The following MAJIN variants were observed in gnomAD, a reference collection of about 807,000 sequenced individuals.
The protein encoded by MAJIN is membrane anchored junction protein, also known as membrane-anchored junction protein.
In MAJIN, 27 loss-of-function variants were observed where a neutral mutation model predicts 30.2. That is an observed-to-expected ratio of 0.89 (90% CI 0.66 to 1.23). MAJIN has a LOEUF of 1.23. Among genes scored for constraint, MAJIN ranks in the 50% most tolerant of loss-of-function variants. The pLI, the probability that MAJIN is intolerant of heterozygous loss-of-function variation, is 0.00. For synonymous variants in MAJIN, 78 were observed against 91.6 expected (o/e 0.85, Z 0.85); for missense variants, 253 against 260.3 (o/e 0.97, Z 0.19).
intron 1 of MAJIN, among the ~76,000 whole-genome samples, chr11:64,964,285 G>T (rs1565145375): frequency 6.6e-6 from 1 of 152,130 alleles, no homozygotes; most frequent in Non-Finnish European, 1.5e-5. Context: ...TCAGAGGTCT[G>T]TCCACCTTTG....
intron 8 of MAJIN, chr11:64,946,149 T>G: frequency 6.5e-7 from 1 of 1,535,344 alleles, no homozygotes; most frequent in Non-Finnish European, 8.7e-7. Context: ...GTCCCTATCT[T>G]GGCCCTGAGG....
intron 9 of MAJIN, 128 bp downstream of exon 9, chr11:64,940,446 C>G: frequency 1.1e-6 from 1 of 890,306 alleles, no homozygotes. Flanking sequence ...CAAGCACCTC[C>G]ACGGGAGCAA....
chr11:64,969,979 A>G (rs1293453922), intron 1 of MAJIN, among the ~76,000 whole-genome samples: 9 of 152,146 alleles, frequency 5.9e-5, no homozygotes, highest in Admixed American at 1.3e-4. Flanking sequence ...TTGAGATGCC[A>G]ATGAGATAGC....
At chr11:64,955,730 G>A (rs1195433690) in intron 3 of MAJIN, among the ~76,000 whole-genome samples, 2 of 152,130 alleles carry the variant, frequency 1.3e-5, no homozygotes, top group Non-Finnish European at 2.9e-5. Flanking sequence ...TTCCAAATAC[G>A]TCAACACTTT....
At chr11:64,957,573 T>A (rs1945655869) in intron 3 of MAJIN, among the ~76,000 whole-genome samples, 1 of 151,672 alleles carries the variant, frequency 6.6e-6, no homozygotes, top group Non-Finnish European at 1.5e-5. Flanking sequence ...TCAGCTAATT[T>A]TTTTATTTTT....
chr11:64,968,289 G>C (rs1448886678), intron 1 of MAJIN, among the ~76,000 whole-genome samples: 2 of 151,944 alleles, frequency 1.3e-5, no homozygotes, highest in African/African-American at 4.8e-5. Context: ...TTTTATTTTA[G>C]AGACAGGATT....
Position 64,959,415 on chromosome 11 carries a change from A to G in MAJIN, c.-10T>C, listed in dbSNP as rs1203743904. 6.2e-7 allele frequency: 1 copy of G among 1,602,890 alleles called. No homozygotes were observed. Among genetic ancestry groups the G allele is most frequent in the Non-Finnish European group, 8.5e-7 (1 of 1,170,426 alleles). ...AGGGTTTTAAACTCATTGCTCCCAA[A>G]CGATAGCCTAAATAAAATAGAAAGA... is the stretch of plus-strand genomic sequence containing the variant. On this transcript the variant is annotated 5_prime_UTR_variant, in exon 3 of 11. Coordinates refer to ENST00000301896, the MANE Select transcript of MAJIN (RefSeq NM_001037225.3).
chr11:64,959,718 G>C (rs1241254428), intron 2 of MAJIN, among the ~76,000 whole-genome samples: 2 of 152,138 alleles, frequency 1.3e-5, no homozygotes, highest in African/African-American at 4.8e-5. Flanking sequence ...TATCCGCCCT[G>C]ATGACTCAGA....
At chr11:64,962,898 G>GGGCA (rs1262134397) in intron 1 of MAJIN, among the ~76,000 whole-genome samples, 3 of 152,048 alleles carry the variant, frequency 2.0e-5, no homozygotes, top group Non-Finnish European at 4.4e-5. Flanking sequence ...AGGCTCAGGT[G>GGGCA]GGCAGACCAC....
At position 64,938,384 on chromosome 11, in the gene MAJIN, T is replaced by G. The variant is rs1344368273; in HGVS notation, c.*191A>C. 2 of 897,158 alleles carry G rather than the reference T, an allele frequency of 2.2e-6. No individual in the cohort carries two copies. Among genetic ancestry groups the G allele is most frequent in the African/African-American group, 3.3e-5 (2 of 59,946 alleles). 55.6% of individuals were successfully genotyped at this position (897,158 alleles called of 1,614,324 possible). A position where few individuals can be genotyped will look rare whatever the true frequency, so the allele number is the denominator to read the frequency against. ...TATTATAAAGGGGCAAAGGACACGA[T>G]AAAACCACAGAGGACTCAGCATGGG... On this transcript the variant is annotated 3_prime_UTR_variant, in exon 11 of 11. Coordinates refer to ENST00000301896, the MANE Select transcript of MAJIN (RefSeq NM_001037225.3).
intron 1 of MAJIN, among the ~76,000 whole-genome samples, chr11:64,967,528 G>A (rs1945831285): frequency 6.6e-6 from 1 of 152,228 alleles, no homozygotes; most frequent in South Asian, 2.1e-4. Flanking sequence ...TCTAAAGGAA[G>A]AATATGAGCT....
intron 1 of MAJIN, among the ~76,000 whole-genome samples, chr11:64,971,290 G>T (rs1945898411): frequency 6.6e-6 from 1 of 152,038 alleles, no homozygotes; most frequent in African/African-American, 2.4e-5. Flanking sequence ...AGCCAGGAGT[G>T]GCGGCGCATG....
rs1400427908 is a variant in MAJIN, at chr11:64,959,297, G to T, written c.101+8C>A. ...TTGCATAGGCTACCCTCCTACCTTTGAAATTACCTGATACTCTTCCCATAT... is the reference window on the plus strand; with the variant it reads ...TTGCATAGGCTACCCTCCTACCTTTTAAATTACCTGATACTCTTCCCATAT... On this transcript the variant is annotated splice_region_variant and intron_variant, in intron 3 of 10. Transcript: ENST00000301896. 6.2e-7 allele frequency: 1 copy of T among 1,605,800 alleles called. No individual in the cohort carries two copies. Among genetic ancestry groups the T allele is most frequent in the Non-Finnish European group, 8.5e-7 (1 of 1,172,556 alleles).
chr11:64,946,005 C>T (rs541227000), intron 8 of MAJIN: 91 of 1,321,178 alleles, frequency 6.9e-5, no homozygotes, highest in African/African-American at 1.1e-4. Flanking sequence ...TGCTGGTAAC[C>T]GGAATCCTGA....
At chr11:64,944,080 A>G (rs997109812) in intron 8 of MAJIN, among the ~76,000 whole-genome samples, 2 of 152,266 alleles carry the variant, frequency 1.3e-5, no homozygotes, top group African/African-American at 2.4e-5. Context: ...AAAAGAAATC[A>G]GGGTTTACAT....
At position 64,945,889 on chromosome 11, in the gene MAJIN, C is replaced by T. The variant is rs112139839; in HGVS notation, c.473+1485G>A. On this transcript the variant is annotated intron_variant, in intron 8 of 10. Coordinates refer to ENST00000301896, the MANE Select transcript of MAJIN (RefSeq NM_001037225.3). ...CATCGATGCGTGTATTATGCAGCCA[C>T]TTTGGGATGCGTTGTGGCAAGGGCA... is the stretch of plus-strand genomic sequence containing the variant. Among the ~76,000 whole-genome samples, 207 of 152,286 alleles carry T rather than the reference C, an allele frequency of 1.4e-3. 2 individuals are homozygous for T. The highest frequency in any genetic ancestry group is 3.5e-3 in the African/African-American group (144 of 41,560).
chr11:64,964,158 G>A (rs1365823416), intron 1 of MAJIN, among the ~76,000 whole-genome samples: 1 of 152,098 alleles, frequency 6.6e-6, no homozygotes, highest in African/African-American at 2.4e-5. Flanking sequence ...TGGCCAGCCT[G>A]GTCTTGAACT....
intron 6 of MAJIN, among the ~76,000 whole-genome samples, chr11:64,948,416 G>T (rs932343127): frequency 2.0e-5 from 3 of 150,976 alleles, no homozygotes; most frequent in African/African-American, 7.3e-5. Context: ...TTGAGGCAAG[G>T]CCTTTGCACC....
At chr11:64,967,425 A>G (rs967704722) in intron 1 of MAJIN, among the ~76,000 whole-genome samples, 6 of 151,532 alleles carry the variant, frequency 4.0e-5, no homozygotes, top group African/African-American at 1.5e-4. Context: ...AAAAGAAAAA[A>G]GAAAAAGAAA....
Sources: gnomAD v4.1 joint callset for allele counts (sites outside exome capture counted in the v4.1 genomes callset) on GRCh38, gnomAD v4.1.1 for gene constraint, MANE v1.5 for transcripts, NCBI Gene and HGNC (gene_info 2026-07-23, HGNC 2026-07-21) for gene names.